FGGY: variants seen among roughly 807,000 people sequenced by gnomAD.
FGGY encodes FGGY carbohydrate kinase domain containing, also known as FGGY carbohydrate kinase domain-containing protein.
Under a neutral mutation model 71.3 loss-of-function variants are expected in FGGY, and 72 were observed. The ratio of observed to expected loss-of-function variants is 1.01; its 90% CI spans 0.84 to 1.23. The LOEUF is 1.23. FGGY is among the 50% of genes most tolerant of loss of function. The pLI, the probability that FGGY is intolerant of heterozygous loss-of-function variation, is 0.00. For synonymous variants in FGGY, 251 were observed against 250.3 expected, an observed-to-expected ratio of 1.00 and a Z score of -0.02; for missense variants, 668 against 682.3, an observed-to-expected ratio of 0.98 and a Z score of 0.23.
intron 5 of FGGY, among the ~76,000 whole-genome samples, chr1:59,421,416 G>C (rs757100314): frequency 6.6e-6 from 1 of 151,818 alleles, no homozygotes; most frequent in Non-Finnish European, 1.5e-5. Context: ...TAAAAGCCTG[G>C]AATTTGTTTA....
chr1:59,352,998 A>T (rs1268445867), intron 4 of FGGY, among the ~76,000 whole-genome samples: 1 of 152,204 alleles, frequency 6.6e-6, no homozygotes, highest in East Asian at 1.9e-4. Context: ...ATCAGGTCTT[A>T]ATAGTAGCAC....
chr1:59,425,951 A>AT (rs898721467), intron 5 of FGGY, among the ~76,000 whole-genome samples: 37 of 151,714 alleles, frequency 2.4e-4, no homozygotes, highest in African/African-American at 6.8e-4. Flanking sequence ...CACAATTCAT[A>AT]TTTTTTTTTA....
rs544724653 is a variant in FGGY at position 59,675,082 on chromosome 1, A to G, written c.1512+949A>G. Reference sequence around the variant, plus strand: ...TTATAGTTGAGGAACCTGAGGCATAAAGAAGTTAAATAACTTGGCCTAAAT... The same window carrying G: ...TTATAGTTGAGGAACCTGAGGCATAGAGAAGTTAAATAACTTGGCCTAAAT... On this transcript the variant is annotated intron_variant, in intron 14 of 15. Coordinates refer to ENST00000303721, the MANE Select transcript of FGGY (RefSeq NM_018291.5). Among the ~76,000 whole-genome samples the G allele has an allele frequency of 3.3e-5, 5 of 152,330 alleles. No homozygotes were observed. In the South Asian group the frequency reaches 1.0e-3, roughly 32 times the overall value.
intron 6 of FGGY, among the ~76,000 whole-genome samples, chr1:59,489,984 T>C (rs2093775618): frequency 6.6e-6 from 1 of 152,220 alleles, no homozygotes; most frequent in African/African-American, 2.4e-5. Context: ...GAACATTTTT[T>C]CATATTTTTG....
In FGGY at chr1:59,650,315, A is replaced by G. The variant is rs1572642513; in HGVS notation, c.1222-9904A>G. Among the ~76,000 whole-genome samples, 4 of 139,048 alleles carry G rather than the reference A, an allele frequency of 2.9e-5. No homozygotes were observed. The South Asian group carries it at 8.9e-4, about 31-fold the overall frequency. 91.2% of individuals were successfully genotyped at this position (139,048 alleles called of 152,430 possible). A position where few individuals can be genotyped will look rare whatever the true frequency, so the allele number is the denominator to read the frequency against. On this transcript the variant is annotated intron_variant, in intron 11 of 15. Transcript: ENST00000303721. ...CTTTTCTATTGATTGGAATAGTTTC[A>G]GAAGGAATGGCACCAGCTCCTCTTT... is the stretch of plus-strand genomic sequence containing the variant.
At chr1:59,522,220 T>C (rs1181869169) in intron 7 of FGGY, among the ~76,000 whole-genome samples, 1 of 152,252 alleles carries the variant, frequency 6.6e-6, no homozygotes, top group Non-Finnish European at 1.5e-5. Flanking sequence ...GTTGGGTTCC[T>C]GGACCCACCG....
intron 9 of FGGY, among the ~76,000 whole-genome samples, chr1:59,624,646 G>A (rs2096840282): frequency 1.3e-5 from 2 of 152,208 alleles, no homozygotes; most frequent in African/African-American, 2.4e-5. Context: ...AGCAGAAGGC[G>A]AAAGGCATGT....
intron 8 of FGGY, among the ~76,000 whole-genome samples, chr1:59,585,633 C>G (rs545954909): frequency 2.5e-4 from 38 of 152,264 alleles, no homozygotes; most frequent in Middle Eastern, 6.8e-3. Flanking sequence ...GTCTAAAACA[C>G]CAAAAGCAAT....
chr1:59,377,710 C>T (rs927876268), intron 4 of FGGY, among the ~76,000 whole-genome samples: 2 of 151,942 alleles, frequency 1.3e-5, no homozygotes, highest in African/African-American at 4.8e-5. Flanking sequence ...CCAGGAGATC[C>T]TGGAAACCCC....
At chr1:59,643,426 C>T (rs536513699) in intron 11 of FGGY, among the ~76,000 whole-genome samples, 3 of 152,226 alleles carry the variant, frequency 2.0e-5, no homozygotes, top group African/African-American at 7.2e-5. Context: ...AACTGCTGGC[C>T]TCAAGCCGTC....
chr1:59,755,672 T>C lies in FGGY; in HGVS notation c.1513-2259T>C, dbSNP rs148283001. ...TTATTTTTAAAACAAGCAAAGGTAA[T>C]GTGGAGAAAGGAGGGAAGAATTCCC... On this transcript the variant is annotated intron_variant, in intron 14 of 15. Transcript: ENST00000303721. 3.9e-5 allele frequency: 6 copies of C among 152,330 alleles called. No individual in the cohort carries two copies. The East Asian group carries it at 9.6e-4, about 24-fold the overall frequency. 9.4% of individuals were successfully genotyped at this position (152,330 alleles called of 1,614,324 possible).
chr1:59,578,950 TC>T (rs924541405), intron 8 of FGGY, among the ~76,000 whole-genome samples: 10 of 152,014 alleles, frequency 6.6e-5, no homozygotes, highest in Non-Finnish European at 1.3e-4. Flanking sequence ...GCCCTCCTGT[TC>T]CCCCATTTAT....
intron 1 of FGGY, among the ~76,000 whole-genome samples, chr1:59,314,299 A>C (rs1363068278): frequency 6.6e-6 from 1 of 152,156 alleles, no homozygotes; most frequent in Admixed American, 6.5e-5. Flanking sequence ...TGTGGGTTTC[A>C]AGAGGTGATT....
chr1:59,639,828 A>T (rs2097002251), intron 11 of FGGY, among the ~76,000 whole-genome samples: 1 of 152,166 alleles, frequency 6.6e-6, no homozygotes, highest in African/African-American at 2.4e-5. Flanking sequence ...TCATACCCAA[A>T]TTCAGTACCC....
intron 3 of FGGY, among the ~76,000 whole-genome samples, chr1:59,342,198 A>G (rs2050851152): frequency 6.6e-6 from 1 of 152,210 alleles, no homozygotes; most frequent in Non-Finnish European, 1.5e-5. Flanking sequence ...CCCTACCCTC[A>G]GGATTTGTAT....
At chr1:59,731,536 G>A (rs2098029478) in intron 14 of FGGY, among the ~76,000 whole-genome samples, 1 of 152,040 alleles carries the variant, frequency 6.6e-6, no homozygotes, top group Non-Finnish European at 1.5e-5. Flanking sequence ...AGGGGGTTGG[G>A]TGATTAGCCA....
intron 11 of FGGY, among the ~76,000 whole-genome samples, chr1:59,657,915 T>A (rs181465957): frequency 6.6e-6 from 1 of 152,308 alleles, no homozygotes; most frequent in Non-Finnish European, 1.5e-5. Context: ...CATGGTCTCC[T>A]CCTCTCTGAT....
chr1:59,590,693 G>A (rs2096414744), intron 8 of FGGY, among the ~76,000 whole-genome samples: 1 of 152,166 alleles, frequency 6.6e-6, no homozygotes, highest in South Asian at 2.1e-4. Context: ...AAAACCACAT[G>A]ATTATCTCAA....
intron 5 of FGGY, among the ~76,000 whole-genome samples, chr1:59,409,862 T>G (rs2063345071): frequency 6.6e-6 from 1 of 152,220 alleles, no homozygotes; most frequent in Admixed American, 6.5e-5. Context: ...TTATGCAATA[T>G]GCATCTATGT....
Sources: allele counts gnomAD v4.1 joint callset (sites outside exome capture counted in the v4.1 genomes callset), GRCh38; gene constraint gnomAD v4.1.1; transcripts MANE v1.5; gene names NCBI Gene and HGNC (gene_info 2026-07-23, HGNC 2026-07-21).